MARCHF3: variants seen among roughly 807,000 people sequenced by gnomAD.
MARCHF3 encodes E3 ubiquitin-protein ligase MARCHF3.
Under a neutral mutation model 24.2 loss-of-function variants are expected in MARCHF3, and 13 were observed. The observed-to-expected ratio is 0.54, with a 90% CI of 0.35 to 0.85. The LOEUF is 0.85. Among genes scored for constraint, MARCHF3 ranks in the 40% least tolerant of loss-of-function variants. MARCHF3 has a pLI of 0.01. For synonymous variants in MARCHF3, 144 were observed against 137.3 expected, an observed-to-expected ratio of 1.05 and a Z score of -0.34; for missense variants, 276 against 325.0, an observed-to-expected ratio of 0.85 and a Z score of 1.16.
At position 126,989,334 on chromosome 5, in the gene MARCHF3, CTACTAA is replaced by C. The variant is rs1394320744; in HGVS notation, c.-57+41010_-57+41015del. Among the ~76,000 whole-genome samples the C allele has an allele frequency of 9.6e-3, 1,344 of 140,178 alleles. 13 individuals carry two copies. The highest frequency in any genetic ancestry group is 0.035 in the African/African-American group (1,277 of 36,914). The allele number at this position is 140,178 out of a possible 152,430, so 92.0% of individuals were successfully genotyped here. ...ACTACTACTACTACTACTACTACTA[CTACTAA>C]TAATAATAATAATATTAGGACTAAA... On this transcript the variant is annotated intron_variant, in intron 1 of 4. Coordinates refer to ENST00000308660, the MANE Select transcript of MARCHF3 (RefSeq NM_178450.5).
At chr5:126,950,281 C>A (rs1013539319) in intron 1 of MARCHF3, among the ~76,000 whole-genome samples, 4 of 152,228 alleles carry the variant, frequency 2.6e-5, no homozygotes, top group Non-Finnish European at 5.9e-5. Context: ...ATGGTCTTAC[C>A]TTAAATTCAT....
chr5:126,975,880 A>G (rs1751177618), intron 1 of MARCHF3, among the ~76,000 whole-genome samples: 1 of 152,208 alleles, frequency 6.6e-6, no homozygotes, highest in South Asian at 2.1e-4. Flanking sequence ...ATCTTCTCTA[A>G]CTAGAAAACA....
chr5:126,975,081 C>G (rs1232021190), intron 1 of MARCHF3, among the ~76,000 whole-genome samples: 1 of 152,138 alleles, frequency 6.6e-6, no homozygotes, highest in East Asian at 1.9e-4. Context: ...CTCAGCCTCC[C>G]GAGTAGCTGG....
intron 1 of MARCHF3, among the ~76,000 whole-genome samples, chr5:126,925,912 G>A (rs1450602870): frequency 1.3e-5 from 2 of 152,204 alleles, no homozygotes; most frequent in African/African-American, 4.8e-5. Flanking sequence ...ATAAGGAAAG[G>A]CCTGAAGGGT....
chr5:126,959,080 G>A (rs923978632), intron 1 of MARCHF3, among the ~76,000 whole-genome samples: 2 of 152,132 alleles, frequency 1.3e-5, no homozygotes, highest in Admixed American at 6.5e-5. Context: ...GAAGTGGAGC[G>A]TAACTCCCTA....
chr5:126,970,196 T>A (rs187583368), intron 1 of MARCHF3, among the ~76,000 whole-genome samples: 2 of 152,260 alleles, frequency 1.3e-5, no homozygotes, highest in East Asian at 1.9e-4. Context: ...CAAATGATTA[T>A]CCTGCCTCAG....
intron 3 of MARCHF3, among the ~76,000 whole-genome samples, chr5:126,886,701 G>A (rs748351623): frequency 7.2e-5 from 11 of 152,050 alleles, no homozygotes; most frequent in Non-Finnish European, 1.5e-4. Flanking sequence ...GTCTCCATTT[G>A]TGCAGCAAAC....
intron 3 of MARCHF3, among the ~76,000 whole-genome samples, chr5:126,901,087 C>G (rs1191213586): frequency 6.6e-6 from 1 of 152,016 alleles, no homozygotes; most frequent in Admixed American, 6.6e-5. Context: ...TGACTTAGGT[C>G]TGAGTTGCAG....
At chr5:126,926,220 A>T (rs1561431496) in intron 1 of MARCHF3, among the ~76,000 whole-genome samples, 1 of 152,150 alleles carries the variant, frequency 6.6e-6, no homozygotes, top group African/African-American at 2.4e-5. Context: ...GCTTATTTTA[A>T]ATCAGGGTTC....
chr5:126,988,209 C>G (rs1220530489), intron 1 of MARCHF3, among the ~76,000 whole-genome samples: 1 of 152,154 alleles, frequency 6.6e-6, no homozygotes, highest in African/African-American at 2.4e-5. Context: ...CATTCTCAGT[C>G]TTGATCTGAA....
intron 2 of MARCHF3, among the ~76,000 whole-genome samples, chr5:126,915,375 C>A (rs1347840097): frequency 1.3e-5 from 2 of 152,080 alleles, no homozygotes; most frequent in Non-Finnish European, 2.9e-5. Flanking sequence ...TGGGTGTGGC[C>A]CAGGATCAAA....
intron 1 of MARCHF3, among the ~76,000 whole-genome samples, chr5:126,994,810 A>T (rs765157845): frequency 4.6e-5 from 7 of 152,256 alleles, no homozygotes; most frequent in Non-Finnish European, 1.0e-4. Flanking sequence ...GCCCAGTCTG[A>T]GTCCCAAAAC....
intron 3 of MARCHF3, among the ~76,000 whole-genome samples, chr5:126,910,521 CAGA>C (rs1754480723): frequency 6.6e-6 from 1 of 152,184 alleles, no homozygotes; most frequent in Non-Finnish European, 1.5e-5. Flanking sequence ...GAAGCCATGG[CAGA>C]AGAACTTGGA....
intron 1 of MARCHF3, among the ~76,000 whole-genome samples, chr5:127,027,828 C>A (rs1211720512): frequency 6.6e-6 from 1 of 152,168 alleles, no homozygotes; most frequent in Non-Finnish European, 1.5e-5. Context: ...TAACACAATT[C>A]CAGTGTTTCT....
chr5:126,984,738 C>T (rs1387939657), intron 1 of MARCHF3, among the ~76,000 whole-genome samples: 1 of 152,214 alleles, frequency 6.6e-6, no homozygotes, highest in East Asian at 1.9e-4. Flanking sequence ...TTATGAACCC[C>T]AGGTCCAGAG....
intron 1 of MARCHF3, among the ~76,000 whole-genome samples, chr5:127,021,216 C>T (rs1473713728): frequency 6.6e-6 from 1 of 152,006 alleles, no homozygotes; most frequent in East Asian, 1.9e-4. Context: ...CCAACACACA[C>T]ACTATGGAGG....
At chr5:127,027,526 G>T (rs764847206) in intron 1 of MARCHF3, among the ~76,000 whole-genome samples, 1 of 152,150 alleles carries the variant, frequency 6.6e-6, no homozygotes, top group Non-Finnish European at 1.5e-5. Flanking sequence ...GGACCCCACC[G>T]AACTCAGAGT....
intron 1 of MARCHF3, among the ~76,000 whole-genome samples, chr5:127,008,264 G>T (rs1243276629): frequency 6.6e-6 from 1 of 152,156 alleles, no homozygotes; most frequent in East Asian, 1.9e-4. Flanking sequence ...ATGCTGGAAG[G>T]ACACTGGCCC....
chr5:126,903,118 T>C (rs1754161178), intron 3 of MARCHF3, among the ~76,000 whole-genome samples: 1 of 152,090 alleles, frequency 6.6e-6, no homozygotes, highest in Admixed American at 6.6e-5. Flanking sequence ...GTTCGGTCTA[T>C]AATACTCTGA....
Sources: gnomAD v4.1 joint callset for allele counts (sites outside exome capture counted in the v4.1 genomes callset) on GRCh38, gnomAD v4.1.1 for gene constraint, MANE v1.5 for transcripts, NCBI Gene and HGNC (gene_info 2026-07-23, HGNC 2026-07-21) for gene names.